The following BAZ1B variants were observed in gnomAD, a reference collection of about 807,000 sequenced individuals.
The protein encoded by BAZ1B is bromodomain adjacent to zinc finger domain 1B.
In BAZ1B, 22 loss-of-function variants were observed where a neutral mutation model predicts 153.8. The ratio of observed to expected loss-of-function variants is 0.14; its 90% CI spans 0.10 to 0.20. BAZ1B has a LOEUF of 0.20. BAZ1B is among the 10% of genes least tolerant of loss of function. The pLI is 1.00. For missense variants in BAZ1B, 1,325 were observed against 1,799.3 expected, an observed-to-expected ratio of 0.74 and a Z score of 4.77; for synonymous variants, 676 against 633.4, an observed-to-expected ratio of 1.07 and a Z score of -1.01.
chr7:73,477,792 T>C lies in BAZ1B; in HGVS notation c.1669A>G (p.Lys557Glu). 6.2e-7 allele frequency: 1 copy of C among 1,614,240 alleles called. No individual in the cohort carries two copies. Among genetic ancestry groups the C allele is most frequent in the Non-Finnish European group, 8.5e-7 (1 of 1,180,042 alleles). Residue 557 changes from lysine (K) to glutamate (E), a missense_variant, in exon 7 of 20, where the codon AAG becomes GAG. Lys to Glu is a moderately conservative substitution (Grantham distance 56). Coordinates refer to ENST00000339594, the MANE Select transcript of BAZ1B (RefSeq NM_032408.4). The surrounding 1 kb of genome is among the most constrained non-coding windows in gnomAD (Gnocchi z 5.6). ...LKKKREELKK[K>E]LKEKAKERRE... ...CGTTCTTTGGCTTTTTCCTTCAACT[T>C]CTTTTTCAGCTCCTCCCGTTTCTTT...
intron 2 of BAZ1B, 92 bp from the exon 3 acceptor site, chr7:73,508,563 CCAAACATTT>C (rs1268825081): frequency 1.2e-5 from 17 of 1,383,618 alleles, no homozygotes; most frequent in Non-Finnish European, 1.7e-5. Flanking sequence ...TCTTTCTTTT[CCAAACATTT>C]CAAACATTTA....
chr7:73,466,237 T>C, intron 10 of BAZ1B, 59 bp downstream of exon 10: 1 of 1,271,066 alleles, frequency 7.9e-7, no homozygotes, highest in Non-Finnish European at 1.1e-6. Flanking sequence ...TACTAAATAC[T>C]TTCTTCCTTA....
At chr7:73,484,647 T>TA (rs1414924833) in intron 6 of BAZ1B, among the ~76,000 whole-genome samples, 13 of 151,792 alleles carry the variant, frequency 8.6e-5, no homozygotes, top group South Asian at 2.1e-4. Flanking sequence ...TCTCAAAAAA[T>TA]AAAAAAATAA....
At chr7:73,456,502 T>C (rs1788204742) in intron 13 of BAZ1B, among the ~76,000 whole-genome samples, 1 of 152,170 alleles carries the variant, frequency 6.6e-6, no homozygotes, top group Admixed American at 6.5e-5. Flanking sequence ...TGAATATATA[T>C]TTCTCCAAAT....
intron 19 of BAZ1B, 138 bp downstream of exon 19, chr7:73,442,043 A>G: frequency 1.5e-6 from 1 of 650,616 alleles, no homozygotes; most frequent in Non-Finnish European, 2.6e-6. Flanking sequence ...AAGCCCCATA[A>G]AGAGCTTTTA....
At position 73,462,951 on chromosome 7, in the gene BAZ1B, C is replaced by T; in HGVS notation, c.3220G>A (p.Val1074Met). ...GCTTCAAATTCTGATGTTTCTTCCA[C>T]ATATCCAAGTCCTCCTTTTTGTAAC... Reference protein sequence around the residue: ...TRLQKGGLGYVEETSEFEARV... With the variant: ...TRLQKGGLGYMEETSEFEARV... The change falls in exon 12 of 20, where the codon GTG becomes ATG. Residue 1074 changes from valine (V) to methionine (M), a missense_variant. Around this residue, in one of 9 missense-constraint regions of BAZ1B, gnomAD observed 431 missense variants for 563.5 expected, o/e 0.76. Transcript: ENST00000339594. The T allele has an allele frequency of 6.2e-7, 1 of 1,614,132 alleles. No homozygotes were observed. The highest frequency in any genetic ancestry group is 8.5e-7 in the Non-Finnish European group (1 of 1,180,022).
intron 15 of BAZ1B, 52 bp downstream of exon 15, chr7:73,449,490 A>G: frequency 2.6e-6 from 4 of 1,548,840 alleles, no homozygotes; most frequent in South Asian, 1.2e-5. Flanking sequence ...CTTAATTATA[A>G]CAGCTATTCA....
intron 11 of BAZ1B, 147 bp from the exon 12 acceptor site, chr7:73,463,246 T>A: frequency 1.3e-6 from 1 of 761,656 alleles, no homozygotes; most frequent in Non-Finnish European, 2.0e-6. Flanking sequence ...TTTCTTTTTT[T>A]TTTTTTTTTT....
chr7:73,465,376 C>A, intron 11 of BAZ1B, 63 bp downstream of exon 11: 1 of 1,129,368 alleles, frequency 8.9e-7, no homozygotes. Flanking sequence ...AAAAAACCCT[C>A]AGATATTTAT....
chr7:73,513,171 T>C (rs142620216), intron 1 of BAZ1B, among the ~76,000 whole-genome samples: 23 of 152,312 alleles, frequency 1.5e-4, no homozygotes, highest in South Asian at 4.1e-4. Context: ...CAGGTTGGTC[T>C]TGAACTCCTG....
In BAZ1B at chr7:73,442,489, G is replaced by T; in HGVS notation, c.4159C>A (p.Gln1387Lys). The change falls in exon 19 of 20, where the codon CAG (glutamine) becomes AAG (lysine). Residue 1387 changes from glutamine to lysine, a missense_variant. Transcript: ENST00000339594. ...CAGGAACATTTGTTCTGCACTGTCTGAAAGTCCATGGGGTGCGTGATCACA... is the reference window on the plus strand; with the variant it reads ...CAGGAACATTTGTTCTGCACTGTCTTAAAGTCCATGGGGTGCGTGATCACA... ...YDVITHPMDF[Q>K]TVQNKCSCGS... is the part of the protein sequence containing the mutation. The T allele has an allele frequency of 1.2e-6, 2 of 1,614,208 alleles. No individual in the cohort carries two copies. Among genetic ancestry groups the T allele is most frequent in the Non-Finnish European group, 1.7e-6 (2 of 1,180,042 alleles).
rs1361781947 is a variant in BAZ1B at position 73,440,427 on chromosome 7, T to C, written c.*1282A>G. ...GTGGTTTCTTCTTTATAAACACAAGTACATGAGGTTTATTTGAAATTCCAA... is the reference window on the plus strand; with the variant it reads ...GTGGTTTCTTCTTTATAAACACAAGCACATGAGGTTTATTTGAAATTCCAA... On this transcript the variant is annotated 3_prime_UTR_variant, in exon 20 of 20. Coordinates refer to ENST00000339594, the MANE Select transcript of BAZ1B (RefSeq NM_032408.4). 1 of 149,854 alleles carries C rather than the reference T, an allele frequency of 6.7e-6. No individual in the cohort carries two copies. Among genetic ancestry groups the C allele is most frequent in the Non-Finnish European group, 1.5e-5 (1 of 67,582 alleles). The allele number at this position is 149,854 out of a possible 1,614,324, so 9.3% of individuals were successfully genotyped here.
chr7:73,469,235 G>A (rs1342709106), intron 9 of BAZ1B, among the ~76,000 whole-genome samples: 1 of 151,938 alleles, frequency 6.6e-6, no homozygotes, highest in Non-Finnish European at 1.5e-5. Flanking sequence ...AGGCTTCCAA[G>A]GGACAAAGTT....
chr7:73,510,906 A>G, intron 1 of BAZ1B, 54 bp from the exon 2 acceptor site: 6 of 1,433,582 alleles, frequency 4.2e-6, no homozygotes, highest in South Asian at 1.2e-5. Flanking sequence ...CGACAAACCC[A>G]TACCCATAAG....
intron 12 of BAZ1B, among the ~76,000 whole-genome samples, chr7:73,461,418 G>C (rs1220984817): frequency 6.6e-6 from 1 of 152,156 alleles, no homozygotes; most frequent in Non-Finnish European, 1.5e-5. Flanking sequence ...AGAAAACTAA[G>C]AAAAATGACA....
At chr7:73,486,554 C>G (rs1789414064) in intron 6 of BAZ1B, among the ~76,000 whole-genome samples, 1 of 152,144 alleles carries the variant, frequency 6.6e-6, no homozygotes, top group Non-Finnish European at 1.5e-5. Context: ...TCTCGATCTC[C>G]TGACCTCGTG....
chr7:73,498,581 T>C lies in BAZ1B; in HGVS notation c.487A>G (p.Lys163Glu). The change falls in exon 4 of 20, where the codon AAA becomes GAA. Residue 163 changes from lysine to glutamate, a missense_variant. Around this residue, in one of 9 missense-constraint regions of BAZ1B, gnomAD observed 153 missense variants for 204.8 expected, o/e 0.75. Coordinates refer to ENST00000339594, the MANE Select transcript of BAZ1B (RefSeq NM_032408.4). ...DGACDSPSSD[K>E]ENSSQIAQDH... ...TGAGCAATCTGACTGGAGTTCTCTT[T>C]GTCACTTGATGGAGAATCACAGGCA... The C allele has an allele frequency of 6.2e-7, 1 of 1,614,140 alleles. No homozygotes were observed. Among genetic ancestry groups the C allele is most frequent in the Non-Finnish European group, 8.5e-7 (1 of 1,179,982 alleles).
At chr7:73,511,230 T>C (rs1790564723) in intron 1 of BAZ1B, among the ~76,000 whole-genome samples, 1 of 151,850 alleles carries the variant, frequency 6.6e-6, no homozygotes, top group African/African-American at 2.4e-5. Context: ...ATCACGCCAC[T>C]GCACTCAAGC....
At chr7:73,471,042 C>G (rs1788784401) in intron 7 of BAZ1B, among the ~76,000 whole-genome samples, 1 of 152,150 alleles carries the variant, frequency 6.6e-6, no homozygotes, top group African/African-American at 2.4e-5. Flanking sequence ...GCCAAAATAT[C>G]ACTTCTTAAT....
Sources: allele counts gnomAD v4.1 joint callset (sites outside exome capture counted in the v4.1 genomes callset), GRCh38; gene constraint gnomAD v4.1.1; regional missense constraint gnomAD v4.1.1; non-coding constraint Gnocchi (gnomAD v3.1); transcripts MANE v1.5; gene names NCBI Gene and HGNC (gene_info 2026-07-23, HGNC 2026-07-21).